Variants in GTF2B observed in about 807,000 individuals in gnomAD.
GTF2B encodes transcription initiation factor IIB.
GTF2B carries 20 observed loss-of-function variants against 34.6 expected under a neutral mutation model. That is an observed-to-expected ratio of 0.58 (90% CI 0.41 to 0.84). The LOEUF (loss-of-function observed/expected upper bound fraction) is 0.84. Among genes scored for constraint, GTF2B ranks in the 40% least tolerant of loss-of-function variants. The pLI is 0.00. For missense variants in GTF2B, 237 were observed against 393.3 expected (o/e 0.60, Z 3.36); for synonymous variants, 142 against 132.4 (o/e 1.07, Z -0.50).
chr1:88,873,437 G>C (rs1169130033), intron 2 of GTF2B, among the ~76,000 whole-genome samples: 1 of 152,046 alleles, frequency 6.6e-6, no homozygotes, highest in African/African-American at 2.4e-5. Flanking sequence ...CTGACCTCGT[G>C]ATCTGCCTGC....
At chr1:88,864,239 T>A in intron 2 of GTF2B, 125 bp from the exon 3 acceptor site, 2 of 756,448 alleles carry the variant, frequency 2.6e-6, no homozygotes, top group Non-Finnish European at 4.5e-6. Flanking sequence ...AGGACCAAGC[T>A]TAAATATCAC....
rs374492267 is a variant in GTF2B, at chr1:88,878,288, A to T, written c.124+8973T>A. Among the ~76,000 whole-genome samples the T allele has an allele frequency of 4.6e-5, 7 of 152,296 alleles. No homozygotes were observed. The East Asian group carries it at 1.3e-3, about 29-fold the overall frequency. The stretch of plus-strand genomic sequence containing the variant: ...GACCCTGTCTCAAAAATAAAAAAAT[A>T]AAAAATTGGTTGTTTTAGAGTCACT... On this transcript the variant is annotated intron_variant, in intron 2 of 6. Coordinates refer to ENST00000370500, the MANE Select transcript of GTF2B (RefSeq NM_001514.6).
At chr1:88,855,477 C>T (rs909475640) in intron 6 of GTF2B, among the ~76,000 whole-genome samples, 8 of 151,732 alleles carry the variant, frequency 5.3e-5, no homozygotes, top group African/African-American at 1.7e-4. Context: ...CTTAGCCTCC[C>T]GAGTAGCTGG....
chr1:88,871,859 G>A (rs1673699232), intron 2 of GTF2B, among the ~76,000 whole-genome samples: 1 of 152,050 alleles, frequency 6.6e-6, no homozygotes, highest in South Asian at 2.1e-4. Flanking sequence ...AGCCTCCCGA[G>A]TAGCTGGGAT....
At chr1:88,884,913 T>C (rs556861344) in intron 2 of GTF2B, among the ~76,000 whole-genome samples, 1 of 152,350 alleles carries the variant, frequency 6.6e-6, no homozygotes, top group South Asian at 2.1e-4. Context: ...GATGGATATG[T>C]AATGGTAATA....
chr1:88,876,967 G>T (rs1288400847), intron 2 of GTF2B, among the ~76,000 whole-genome samples: 2 of 152,146 alleles, frequency 1.3e-5, no homozygotes, highest in Admixed American at 6.6e-5. Flanking sequence ...CCCCAAAGGA[G>T]TTTGCAGTGT....
chr1:88,887,765 A>G, intron 1 of GTF2B: 2 of 221,834 alleles, frequency 9.0e-6, no homozygotes, highest in South Asian at 1.2e-4. Flanking sequence ...TCAGAGAACA[A>G]TTTCTCTCTG....
intron 2 of GTF2B, among the ~76,000 whole-genome samples, chr1:88,875,018 A>G (rs1043416299): frequency 5.3e-5 from 8 of 152,172 alleles, no homozygotes; most frequent in African/African-American, 1.9e-4. Context: ...ATGTATCATT[A>G]GCTTCCACAC....
rs41288361 is a variant in GTF2B, at chr1:88,887,547, G to A, written c.18-180C>T. 1.1e-3 allele frequency: 598 copies of A among 524,276 alleles called. 3 individuals are homozygous for A. Among genetic ancestry groups the A allele is most frequent in the Middle Eastern group, 2.7e-3 (5 of 1,874 alleles). 32.5% of individuals were successfully genotyped at this position (524,276 alleles called of 1,614,324 possible). A position where few individuals can be genotyped will look rare whatever the true frequency, so the allele number is the denominator to read the frequency against. On this transcript the variant is annotated intron_variant, in intron 1 of 6. Coordinates refer to ENST00000370500, the MANE Select transcript of GTF2B (RefSeq NM_001514.6). Reference sequence around the variant, plus strand: ...GTTAGGTTATTTTAAATTCCAGCTAGTAACTGGCAAGTAGTTTCCACTGGA... The same window carrying A: ...GTTAGGTTATTTTAAATTCCAGCTAATAACTGGCAAGTAGTTTCCACTGGA...
chr1:88,858,104 C>T (rs1266563425), intron 5 of GTF2B, among the ~76,000 whole-genome samples: 1 of 151,866 alleles, frequency 6.6e-6, no homozygotes, highest in Non-Finnish European at 1.5e-5. Flanking sequence ...CCCCTGGGTT[C>T]AAGCGATTCT....
chr1:88,890,647 G>C (rs1396745822), intron 1 of GTF2B, among the ~76,000 whole-genome samples: 1 of 152,174 alleles, frequency 6.6e-6, no homozygotes, highest in African/African-American at 2.4e-5. Flanking sequence ...GCATGACTCA[G>C]TTTACACTTA....
At chr1:88,874,206 C>G (rs67411125) in intron 2 of GTF2B, among the ~76,000 whole-genome samples, 8,660 of 152,184 alleles carry the variant, frequency 0.057, 490 homozygotes, top group African/African-American at 0.14. Context: ...ACACCAAAAG[C>G]AGCCAGGAAG....
intron 2 of GTF2B, among the ~76,000 whole-genome samples, chr1:88,872,706 T>C (rs1014157906): frequency 2.6e-5 from 4 of 152,150 alleles, no homozygotes; most frequent in African/African-American, 9.7e-5. Flanking sequence ...TCTTGTCTTC[T>C]TGCACACTGT....
intron 6 of GTF2B, among the ~76,000 whole-genome samples, chr1:88,854,281 CTTA>C (rs774758498): frequency 7.9e-5 from 12 of 152,104 alleles, no homozygotes; most frequent in Non-Finnish European, 1.3e-4. Context: ...CAAACAGCTA[CTTA>C]TTATAGCATA....
At chr1:88,879,914 C>T (rs1353859805) in intron 2 of GTF2B, among the ~76,000 whole-genome samples, 4 of 151,732 alleles carry the variant, frequency 2.6e-5, no homozygotes, top group Non-Finnish European at 5.9e-5. Context: ...AAAAATTAGC[C>T]GGGCGGGGTG....
chr1:88,857,603 A>C, intron 5 of GTF2B, 116 bp from the exon 6 acceptor site: 3 of 606,554 alleles, frequency 4.9e-6, no homozygotes, highest in Non-Finnish European at 5.7e-6. Flanking sequence ...ATTCAATCAT[A>C]CCTTAAAGAT....
intron 6 of GTF2B, among the ~76,000 whole-genome samples, chr1:88,853,876 C>CA (rs987957999): frequency 6.7e-6 from 1 of 149,898 alleles, no homozygotes; most frequent in Non-Finnish European, 1.5e-5. Flanking sequence ...AATACTGTCT[C>CA]AAAAAAAAAG....
At position 88,860,254 on chromosome 1, in the gene GTF2B, G is replaced by A. The variant is rs1673404846; in HGVS notation, c.291C>T (p.Gly97=). ...GTGAASFDEF[G]NSKYQNRRTM... ...TTCTCCGATTCTGGTACTTAGAATT[G>A]CCAAATTCGTCAAAACTTGCAGCTC... The change falls in exon 4 of 7, where the codon GGC becomes GGT. Residue 97 remains glycine, a synonymous_variant. Transcript: ENST00000370500. The A allele has an allele frequency of 6.2e-7, 1 of 1,613,880 alleles. No individual in the cohort carries two copies. The highest frequency in any genetic ancestry group is 1.7e-4 in the Middle Eastern group (1 of 6,056).
At chr1:88,875,191 A>G (rs1170592140) in intron 2 of GTF2B, among the ~76,000 whole-genome samples, 1 of 152,250 alleles carries the variant, frequency 6.6e-6, no homozygotes, top group African/African-American at 2.4e-5. Flanking sequence ...TACTATTAAT[A>G]ATACAGCAAG....
Sources: allele counts gnomAD v4.1 joint callset (sites outside exome capture counted in the v4.1 genomes callset), GRCh38; gene constraint gnomAD v4.1.1; transcripts MANE v1.5; gene names NCBI Gene and HGNC (gene_info 2026-07-23, HGNC 2026-07-21).